The following LAMB1 variants were observed in gnomAD, a reference collection of about 807,000 sequenced individuals.
LAMB1 encodes laminin subunit beta-1.
LAMB1 carries 121 observed loss-of-function variants against 222.3 expected under a neutral mutation model. That is an observed-to-expected ratio of 0.54 (90% CI 0.47 to 0.63). The LOEUF (loss-of-function observed/expected upper bound fraction) is 0.63, where lower values mean the gene tolerates loss of function less well. Among genes scored for constraint, LAMB1 ranks in the 30% least tolerant of loss-of-function variants. LAMB1 has a pLI of 0.00. For missense variants in LAMB1, 2,172 were observed against 2,240.8 expected, an observed-to-expected ratio of 0.97 and a Z score of 0.62; for synonymous variants, 794 against 807.2, an observed-to-expected ratio of 0.98 and a Z score of 0.28.
At chr7:107,932,065 C>G (rs942595546) in intron 28 of LAMB1, 109 bp downstream of exon 28, 1 of 970,112 alleles carries the variant, frequency 1.0e-6, no homozygotes, top group Non-Finnish European at 1.6e-6. Flanking sequence ...TGTGATATGC[C>G]CTTTTCATTT....
chr7:107,986,775 A>G (rs1236353546), intron 5 of LAMB1, among the ~76,000 whole-genome samples: 1 of 152,220 alleles, frequency 6.6e-6, no homozygotes, highest in Non-Finnish European at 1.5e-5. Flanking sequence ...CCAGTGGACT[A>G]TATGTTGTAT....
chr7:108,002,748 C>T, intron 2 of LAMB1, 101 bp downstream of exon 2: 1 of 1,521,624 alleles, frequency 6.6e-7, no homozygotes. Flanking sequence ...AGTCCCTCTC[C>T]CAAGCCCCCA....
At chr7:107,979,529 G>T (rs1478875305) in intron 8 of LAMB1, among the ~76,000 whole-genome samples, 1 of 152,156 alleles carries the variant, frequency 6.6e-6, no homozygotes, top group African/African-American at 2.4e-5. Flanking sequence ...ATCACCAATA[G>T]TTGGTCTAGG....
At chr7:107,962,406 C>T (rs1346309172) in intron 15 of LAMB1, among the ~76,000 whole-genome samples, 1 of 151,828 alleles carries the variant, frequency 6.6e-6, no homozygotes, top group African/African-American at 2.4e-5. Flanking sequence ...GTTTGAGAAA[C>T]TGGATTCAAG....
At chr7:107,935,384 A>G in intron 27 of LAMB1, 31 bp downstream of exon 27, 1 of 1,397,236 alleles carries the variant, frequency 7.2e-7, no homozygotes, top group Non-Finnish European at 9.5e-7. Context: ...GCTTGGCACC[A>G]TAGCAGTAAG....
chr7:107,979,390 AC>A lies in LAMB1; in HGVS notation c.879+1218del, dbSNP rs574737908. 2.1e-3 allele frequency among the ~76,000 whole-genome samples: 323 copies of A among 152,312 alleles called. 3 individuals carry two copies. The highest frequency in any genetic ancestry group is 3.5e-3 in the Admixed American group (54 of 15,298). ...TTTGAAAAGGCAACAGCACATAAGC[AC>A]AGCCTTCATGAGGGGAGGCCACAGC... is the stretch of plus-strand genomic sequence containing the variant. On this transcript the variant is annotated intron_variant, in intron 8 of 33. Transcript: ENST00000222399.
At chr7:107,981,445 TAA>T (rs11304647) in intron 7 of LAMB1, among the ~76,000 whole-genome samples, 1,771 of 141,202 alleles carry the variant, frequency 0.013, 20 homozygotes, top group African/African-American at 0.025. Flanking sequence ...CAAAACTGTT[TAA>T]AAAAAAAAAA....
chr7:107,932,043 T>C, intron 28 of LAMB1, 131 bp downstream of exon 28: 1 of 856,798 alleles, frequency 1.2e-6, no homozygotes, highest in South Asian at 1.5e-5. Context: ...AACATGAACT[T>C]TCATATTTGA....
At chr7:107,961,171 T>C (rs1043014626) in intron 17 of LAMB1, 35 bp downstream of exon 17, 4 of 1,613,428 alleles carry the variant, frequency 2.5e-6, no homozygotes, top group African/African-American at 1.3e-5. Context: ...CCGCCCAGGC[T>C]TTCCTGCATA....
intron 5 of LAMB1, among the ~76,000 whole-genome samples, chr7:107,986,624 T>C (rs904422749): frequency 1.3e-5 from 2 of 152,212 alleles, no homozygotes; most frequent in Non-Finnish European, 2.9e-5. Flanking sequence ...AAGCTGATTA[T>C]AAACAGGCCT....
At chr7:107,943,876 G>A (rs936619162) in intron 24 of LAMB1, among the ~76,000 whole-genome samples, 4 of 152,318 alleles carry the variant, frequency 2.6e-5, no homozygotes, top group African/African-American at 9.6e-5. Flanking sequence ...TTCAAAAGGT[G>A]GAGCTGGAGC....
intron 13 of LAMB1, 138 bp from the exon 14 acceptor site, chr7:107,964,825 ATGTGG>A: frequency 3.0e-6 from 3 of 1,013,264 alleles, no homozygotes; most frequent in Admixed American, 2.7e-5. Flanking sequence ...GAAAATACAT[ATGTGG>A]AAAAAAGTAG....
chr7:107,933,919 A>G (rs1328782554), intron 27 of LAMB1, among the ~76,000 whole-genome samples: 1 of 152,218 alleles, frequency 6.6e-6, no homozygotes, highest in Admixed American at 6.5e-5. Context: ...CTCCGGTTCA[A>G]GACAAAAATC....
intron 20 of LAMB1, among the ~76,000 whole-genome samples, chr7:107,956,452 C>T (rs2033378299): frequency 1.3e-5 from 2 of 152,188 alleles, no homozygotes; most frequent in African/African-American, 4.8e-5. Flanking sequence ...ACTTGCAGGA[C>T]CACTGCGTTC....
chr7:107,938,356 TATTA>T (rs1194842417), intron 25 of LAMB1, among the ~76,000 whole-genome samples: 1 of 152,220 alleles, frequency 6.6e-6, no homozygotes, highest in Non-Finnish European at 1.5e-5. Context: ...GCTTTGCTTT[TATTA>T]ATTATATGAC....
Position 107,973,036 on chromosome 7 carries a change from T to A in LAMB1, c.1518A>T (p.Gly506=), listed in dbSNP as rs2033780932. 6.2e-7 allele frequency: 1 copy of A among 1,614,056 alleles called. No homozygotes were observed. Among genetic ancestry groups the A allele is most frequent in the Middle Eastern group, 1.6e-4 (1 of 6,062 alleles). ...EHWGLSNDLD[G]CRPCDCDLGG... ...CAAGGTCACAGTCACATGGTCGACA[T>A]CCATCCAAATCATTGCTTAAGCCCC... The change falls in exon 13 of 34, where the codon GGA becomes GGT. Residue 506 remains glycine, a synonymous_variant. Coordinates refer to ENST00000222399, the MANE Select transcript of LAMB1 (RefSeq NM_002291.3).
intron 5 of LAMB1, among the ~76,000 whole-genome samples, chr7:107,987,252 A>G (rs2034097099): frequency 6.6e-6 from 1 of 152,242 alleles, no homozygotes; most frequent in African/African-American, 2.4e-5. Flanking sequence ...GAATTGGTTA[A>G]GTAGACAGAG....
chr7:107,990,132 G>A (rs1220385774), intron 5 of LAMB1, among the ~76,000 whole-genome samples: 1 of 151,882 alleles, frequency 6.6e-6, no homozygotes, highest in Non-Finnish European at 1.5e-5. Flanking sequence ...TTGACCTCCC[G>A]GGCTCAAGCA....
chr7:107,964,222 T>C (rs1322424266), intron 14 of LAMB1, among the ~76,000 whole-genome samples: 5 of 152,218 alleles, frequency 3.3e-5, no homozygotes, highest in Non-Finnish European at 7.3e-5. Context: ...TGGGGATGAA[T>C]AGATGAAAAA....
Sources: gnomAD v4.1 joint callset for allele counts (sites outside exome capture counted in the v4.1 genomes callset) on GRCh38, gnomAD v4.1.1 for gene constraint, MANE v1.5 for transcripts, NCBI Gene and HGNC (gene_info 2026-07-23, HGNC 2026-07-21) for gene names.